The following RAPGEF5 variants were observed in gnomAD, a reference collection of about 807,000 sequenced individuals.
RAPGEF5 encodes the protein M-Ras-regulated GEF.
Under a neutral mutation model 125.2 loss-of-function variants are expected in RAPGEF5, and 65 were observed. That is an observed-to-expected ratio of 0.52 (90% CI 0.43 to 0.64). The LOEUF is 0.64. Ranked by LOEUF, RAPGEF5 falls within the 30% of genes least tolerant of loss-of-function variation. RAPGEF5 has a pLI of 0.00. For synonymous variants in RAPGEF5, 391 were observed against 385.9 expected (o/e 1.01, Z -0.16); for missense variants, 958 against 1,048.1 (o/e 0.91, Z 1.19).
Position 22,335,704 on chromosome 7 carries a change from ACAAC to A in RAPGEF5, c.232-17671_232-17668del, listed in dbSNP as rs796145388. Among the ~76,000 whole-genome samples the A allele has an allele frequency of 5.6e-4, 80 of 142,308 alleles. 7 individuals are homozygous for A. The highest frequency in any genetic ancestry group is 2.8e-3 in the South Asian group (13 of 4,582). The allele number at this position is 142,308 out of a possible 152,430, so 93.4% of individuals were successfully genotyped here. ...ACAAGAAACAAGCAAAAAAAAAAAAACAACAAAACAACAACAACAACAACAACGA... is the reference window on the plus strand; with the variant it reads ...ACAAGAAACAAGCAAAAAAAAAAAAAAAAACAACAACAACAACAACAACGA... On this transcript the variant is annotated intron_variant, in intron 1 of 25. Coordinates refer to ENST00000665637, the MANE Select transcript of RAPGEF5 (RefSeq NM_012294.5).
At chr7:22,184,110 C>A in intron 11 of RAPGEF5, among the ~76,000 whole-genome samples, 1 of 152,156 alleles carries the variant, frequency 6.6e-6, no homozygotes, top group East Asian at 1.9e-4. Flanking sequence ...GCCACATCTG[C>A]GAAGCCAACT....
At chr7:22,143,428 C>A (rs1783329047) in intron 20 of RAPGEF5, among the ~76,000 whole-genome samples, 1 of 152,086 alleles carries the variant, frequency 6.6e-6, no homozygotes, top group African/African-American at 2.4e-5. Flanking sequence ...CAAAAACTTT[C>A]AAAAAATCCC....
At chr7:22,314,643 T>C in intron 3 of RAPGEF5, 2 of 981,312 alleles carry the variant, frequency 2.0e-6, no homozygotes, top group Non-Finnish European at 2.4e-6. Flanking sequence ...TTCTTTGAAA[T>C]AGAATAGTGA....
intron 20 of RAPGEF5, 92 bp downstream of exon 20, chr7:22,144,952 C>G (rs1783383335): frequency 7.1e-7 from 1 of 1,411,128 alleles, no homozygotes; most frequent in South Asian, 1.5e-5. Context: ...GTTTATATCC[C>G]AACCCTTATC....
chr7:22,254,585 G>A (rs1187405219), intron 7 of RAPGEF5, among the ~76,000 whole-genome samples: 5 of 147,454 alleles, frequency 3.4e-5, no homozygotes, highest in Admixed American at 1.4e-4. Context: ...TCCAGCCTGG[G>A]TGACAAGAGC....
chr7:22,314,387 C>A (rs562208049), intron 3 of RAPGEF5, among the ~76,000 whole-genome samples: 1 of 152,102 alleles, frequency 6.6e-6, no homozygotes, highest in South Asian at 2.1e-4. Context: ...AAAAATTATG[C>A]CTCAGTACAA....
At chr7:22,268,585 A>T (rs555806708) in intron 6 of RAPGEF5, among the ~76,000 whole-genome samples, 174 of 152,354 alleles carry the variant, frequency 1.1e-3, no homozygotes, top group African/African-American at 4.0e-3. Flanking sequence ...AAAGAGGCAG[A>T]TTATAAACAT....
chr7:22,305,583 T>C (rs1205302384), intron 5 of RAPGEF5, among the ~76,000 whole-genome samples: 1 of 152,162 alleles, frequency 6.6e-6, no homozygotes, highest in Non-Finnish European at 1.5e-5. Context: ...TTAAGCTATT[T>C]TAAAATGCAC....
At chr7:22,169,593 G>A (rs1042184467) in intron 11 of RAPGEF5, among the ~76,000 whole-genome samples, 5 of 151,424 alleles carry the variant, frequency 3.3e-5, no homozygotes, top group African/African-American at 9.7e-5. Flanking sequence ...GGTGGCTCAC[G>A]CCTGTAATCC....
At chr7:22,348,603 G>A (rs1488625855) in intron 1 of RAPGEF5, among the ~76,000 whole-genome samples, 1 of 152,156 alleles carries the variant, frequency 6.6e-6, no homozygotes, top group African/African-American at 2.4e-5. Context: ...CATGTTTCTT[G>A]TCCAATGGCT....
intron 1 of RAPGEF5, among the ~76,000 whole-genome samples, chr7:22,329,548 G>A (rs879702116): frequency 2.0e-5 from 3 of 151,954 alleles, no homozygotes; most frequent in African/African-American, 4.8e-5. Flanking sequence ...CTTAACACAT[G>A]GAAATATTTT....
chr7:22,143,706 A>G (rs1240692254), intron 20 of RAPGEF5, among the ~76,000 whole-genome samples: 1 of 152,088 alleles, frequency 6.6e-6, no homozygotes, highest in Non-Finnish European at 1.5e-5. Context: ...TTCCTTCACC[A>G]ACGTTTTCCT....
At chr7:22,257,176 A>G (rs1786783039) in intron 7 of RAPGEF5, among the ~76,000 whole-genome samples, 1 of 152,232 alleles carries the variant, frequency 6.6e-6, no homozygotes, top group South Asian at 2.1e-4. Flanking sequence ...ATAGTAGGGT[A>G]ATCAATTCCT....
chr7:22,197,896 G>GGGGC (rs374202709), intron 9 of RAPGEF5, among the ~76,000 whole-genome samples: 1 of 146,360 alleles, frequency 6.8e-6, no homozygotes, highest in African/African-American at 2.5e-5. Flanking sequence ...TTTTTTTTGG[G>GGGGC]GGGGGGTGGT....
chr7:22,221,311 C>T (rs985828353), intron 8 of RAPGEF5, among the ~76,000 whole-genome samples: 6 of 152,184 alleles, frequency 3.9e-5, no homozygotes, highest in African/African-American at 1.4e-4. Context: ...TTATTCTTAT[C>T]ACACTAGACA....
intron 1 of RAPGEF5, among the ~76,000 whole-genome samples, chr7:22,331,903 T>C (rs1783928584): frequency 6.6e-6 from 1 of 152,068 alleles, no homozygotes; most frequent in Non-Finnish European, 1.5e-5. Flanking sequence ...AATCATGACT[T>C]AGAGGAAACT....
intron 14 of RAPGEF5, among the ~76,000 whole-genome samples, chr7:22,158,632 A>ATT (rs59433660): frequency 1.3e-5 from 2 of 148,656 alleles, no homozygotes; most frequent in African/African-American, 2.5e-5. Context: ...GACAAAAATC[A>ATT]TTTTTTTTTT....
intron 9 of RAPGEF5, among the ~76,000 whole-genome samples, chr7:22,217,362 A>C (rs1785663425): frequency 6.6e-6 from 1 of 152,204 alleles, no homozygotes; most frequent in African/African-American, 2.4e-5. Flanking sequence ...TGCTACTGTA[A>C]AGAAAGTGAG....
intron 11 of RAPGEF5, chr7:22,191,398 A>C (rs1784992587): frequency 2.9e-6 from 1 of 350,564 alleles, no homozygotes. Flanking sequence ...TTTTCATAAA[A>C]TCTTTCTTTG....
Sources: allele counts gnomAD v4.1 joint callset (sites outside exome capture counted in the v4.1 genomes callset), GRCh38; gene constraint gnomAD v4.1.1; transcripts MANE v1.5; gene names NCBI Gene and HGNC (gene_info 2026-07-23, HGNC 2026-07-21).